Variants in SLC1A2 observed in about 807,000 individuals in gnomAD.
SLC1A2 encodes the protein excitatory amino acid transporter 2.
A neutral mutation model predicts 48.8 loss-of-function variants in SLC1A2; 15 were observed. That is an observed-to-expected ratio of 0.31 (90% confidence interval 0.21 to 0.47). The LOEUF is 0.47. SLC1A2 is among the 20% of genes least tolerant of loss of function. The probability of loss-of-function intolerance (pLI) is 0.99; values close to 1 mark genes in which losing one functional copy is unlikely to be tolerated. For missense variants in SLC1A2, 502 were observed against 730.5 expected (o/e 0.69, Z 3.61); for synonymous variants, 279 against 272.6 (o/e 1.02, Z -0.23).
chr11:35,379,837 C>T (rs1199555520), intron 1 of SLC1A2, among the ~76,000 whole-genome samples: 1 of 152,186 alleles, frequency 6.6e-6, no homozygotes, highest in South Asian at 2.1e-4. Flanking sequence ...CGTGGCGAAT[C>T]CCAACAGCCA....
At chr11:35,332,230 G>A (rs1852453696) in intron 1 of SLC1A2, among the ~76,000 whole-genome samples, 1 of 152,152 alleles carries the variant, frequency 6.6e-6, no homozygotes, top group Non-Finnish European at 1.5e-5. Flanking sequence ...CATTCCAGCA[G>A]CACCACGTCT....
Position 35,300,302 on chromosome 11 carries a change from G to GT in SLC1A2, c.857+1216dup, listed in dbSNP as rs200840356. Among the ~76,000 whole-genome samples, 123 of 152,308 alleles carry GT rather than the reference G, an allele frequency of 8.1e-4. No homozygotes were observed. The East Asian group carries it at 0.02, about 25-fold the overall frequency. ...TTAGGTTGGTGCAAAAGTAACTGTG[G>GT]TTTTTCCCATTGAAAGTAATGGCAA... On this transcript the variant is annotated intron_variant, in intron 6 of 10. Coordinates refer to ENST00000278379, the MANE Select transcript of SLC1A2 (RefSeq NM_004171.4).
chr11:35,341,489 T>C (rs1389896104), intron 1 of SLC1A2, among the ~76,000 whole-genome samples: 1 of 152,136 alleles, frequency 6.6e-6, no homozygotes, highest in Non-Finnish European at 1.5e-5. Flanking sequence ...TTTAAAAATA[T>C]TTTTTTAAAA....
chr11:35,397,064 G>A (rs1854986782), intron 1 of SLC1A2, among the ~76,000 whole-genome samples: 3 of 148,304 alleles, frequency 2.0e-5, no homozygotes, highest in African/African-American at 7.4e-5. Context: ...CCATGCTCAT[G>A]GGTAGGAAGA....
intron 1 of SLC1A2, among the ~76,000 whole-genome samples, chr11:35,338,000 A>G (rs1042429370): frequency 6.6e-6 from 1 of 152,176 alleles, no homozygotes; most frequent in African/African-American, 2.4e-5. Flanking sequence ...AGCATTTCTT[A>G]AGTGCTTTGC....
chr11:35,277,417 C>A (rs1214675632), intron 9 of SLC1A2, among the ~76,000 whole-genome samples: 1 of 148,884 alleles, frequency 6.7e-6, no homozygotes, highest in Non-Finnish European at 1.5e-5. Flanking sequence ...CAGCATAGGG[C>A]ACCTTAAGGA....
At chr11:35,300,685 C>CTATAATAGATGGA (rs1412429483) in intron 6 of SLC1A2, among the ~76,000 whole-genome samples, 1 of 152,158 alleles carries the variant, frequency 6.6e-6, no homozygotes, top group Non-Finnish European at 1.5e-5. Flanking sequence ...GATGGAAAGA[C>CTATAATAGATGGA]AATGACTGTG....
chr11:35,393,894 T>G (rs1440316508), intron 1 of SLC1A2, among the ~76,000 whole-genome samples: 1 of 152,180 alleles, frequency 6.6e-6, no homozygotes, highest in Non-Finnish European at 1.5e-5. Context: ...TCTTTCACCC[T>G]TTTCCTCTTC....
intron 9 of SLC1A2, among the ~76,000 whole-genome samples, chr11:35,273,487 A>G (rs1415549083): frequency 6.6e-6 from 1 of 152,200 alleles, no homozygotes; most frequent in African/African-American, 2.4e-5. Context: ...AACTGCTAAC[A>G]TGTATTGAGT....
At chr11:35,373,849 TC>T (rs568037575) in intron 1 of SLC1A2, among the ~76,000 whole-genome samples, 2 of 152,186 alleles carry the variant, frequency 1.3e-5, no homozygotes, top group Non-Finnish European at 2.9e-5. Flanking sequence ...TAGCTCAAGT[TC>T]AAAGTATTAA....
chr11:35,305,116 G>C (rs1296591445), intron 5 of SLC1A2, among the ~76,000 whole-genome samples: 1 of 152,188 alleles, frequency 6.6e-6, no homozygotes, highest in Non-Finnish European at 1.5e-5. Context: ...CTGTCTCGGG[G>C]ACACCATTCT....
intron 9 of SLC1A2, among the ~76,000 whole-genome samples, chr11:35,277,111 C>T (rs147460465): frequency 1.7e-3 from 261 of 152,308 alleles, no homozygotes; most frequent in African/African-American, 6.0e-3. Flanking sequence ...GATATAATCA[C>T]CTTTTAAAGG....
At chr11:35,393,489 T>G (rs1417840233) in intron 1 of SLC1A2, among the ~76,000 whole-genome samples, 1 of 152,184 alleles carries the variant, frequency 6.6e-6, no homozygotes, top group Non-Finnish European at 1.5e-5. Context: ...TGGCTGCAGG[T>G]GACCCATAGC....
At chr11:35,309,571 T>G (rs1176146947) in intron 4 of SLC1A2, among the ~76,000 whole-genome samples, 1 of 152,194 alleles carries the variant, frequency 6.6e-6, no homozygotes, top group Non-Finnish European at 1.5e-5. Flanking sequence ...CCAGGCCCTG[T>G]CGCCTGGGAG....
At chr11:35,418,898 C>T (rs1487199835) in intron 1 of SLC1A2, 52 bp downstream of exon 1, 4 of 1,526,444 alleles carry the variant, frequency 2.6e-6, no homozygotes, top group Non-Finnish European at 3.6e-6. Context: ...GGGGCGCCAC[C>T]ACCCCGCGCG....
At chr11:35,411,923 T>C (rs1486531977) in intron 1 of SLC1A2, among the ~76,000 whole-genome samples, 1 of 152,146 alleles carries the variant, frequency 6.6e-6, no homozygotes, top group African/African-American at 2.4e-5. Flanking sequence ...TCTTAAGGCA[T>C]TGCCTCTTAA....
At chr11:35,362,571 T>C (rs1338768777) in intron 1 of SLC1A2, among the ~76,000 whole-genome samples, 2 of 152,320 alleles carry the variant, frequency 1.3e-5, no homozygotes, top group Middle Eastern at 3.4e-3. Flanking sequence ...CACGGGACTG[T>C]AGTGAAAATT....
chr11:35,381,903 C>A (rs567634619), intron 1 of SLC1A2, among the ~76,000 whole-genome samples: 1 of 152,290 alleles, frequency 6.6e-6, no homozygotes, highest in African/African-American at 2.4e-5. Context: ...CACATAGTCC[C>A]CTTCCACTGA....
At chr11:35,374,408 T>C (rs1201611695) in intron 1 of SLC1A2, 2 of 515,596 alleles carry the variant, frequency 3.9e-6, no homozygotes, top group East Asian at 1.0e-4. Flanking sequence ...TGGTCACCTG[T>C]CTGGAGCAAA....
Sources: allele counts gnomAD v4.1 joint callset (sites outside exome capture counted in the v4.1 genomes callset), GRCh38; gene constraint gnomAD v4.1.1; transcripts MANE v1.5; gene names NCBI Gene and HGNC (gene_info 2026-07-23, HGNC 2026-07-21).